The following RAPGEF2 variants were observed in gnomAD, a reference collection of about 807,000 sequenced individuals.
The protein encoded by RAPGEF2 is PDZ domain containing guanine nucleotide exchange factor (GEF) 1.
A neutral mutation model predicts 186.7 loss-of-function variants in RAPGEF2; 54 were observed. That is an observed-to-expected ratio of 0.29 (90% CI 0.23 to 0.36). RAPGEF2 has a LOEUF of 0.36. RAPGEF2 is among the 10% of genes least tolerant of loss of function. The pLI is 1.00. For synonymous variants in RAPGEF2, 712 were observed against 705.9 expected, an observed-to-expected ratio of 1.01 and a Z score of -0.14; for missense variants, 1,532 against 2,045.0, an observed-to-expected ratio of 0.75 and a Z score of 4.84.
At chr4:159,257,467 C>T (rs1756319127) in intron 7 of RAPGEF2, among the ~76,000 whole-genome samples, 1 of 152,124 alleles carries the variant, frequency 6.6e-6, no homozygotes. Flanking sequence ...AAGACCCGCC[C>T]CATGATTTAA....
chr4:159,308,733 T>A (rs1763606254), intron 8 of RAPGEF2, among the ~76,000 whole-genome samples: 1 of 152,168 alleles, frequency 6.6e-6, no homozygotes, highest in African/African-American at 2.4e-5. Context: ...GAATTCTTAG[T>A]CATTCTTAAT....
At chr4:159,322,583 CCAA>C in intron 10 of RAPGEF2, 100 bp downstream of exon 10, 1 of 922,678 alleles carries the variant, frequency 1.1e-6, no homozygotes, top group South Asian at 1.7e-5. Flanking sequence ...TTTTTAATAC[CCAA>C]CAACAGTAAG....
chr4:159,252,634 G>A (rs890164455), intron 7 of RAPGEF2, among the ~76,000 whole-genome samples: 6 of 152,160 alleles, frequency 3.9e-5, no homozygotes, highest in African/African-American at 1.2e-4. Context: ...GACTGAAAGA[G>A]CAGCCAGCTA....
intron 7 of RAPGEF2, among the ~76,000 whole-genome samples, chr4:159,288,027 C>T (rs1281597592): frequency 1.3e-5 from 2 of 152,126 alleles, no homozygotes; most frequent in African/African-American, 4.8e-5. Flanking sequence ...GCAGTACAGA[C>T]CTTGTTATGT....
At chr4:159,112,497 C>T (rs1738606122) in intron 1 of RAPGEF2, among the ~76,000 whole-genome samples, 1 of 151,590 alleles carries the variant, frequency 6.6e-6, no homozygotes, top group Non-Finnish European at 1.5e-5. Context: ...AAAGGGAGTC[C>T]CAATGGCCAA....
intron 26 of RAPGEF2, among the ~76,000 whole-genome samples, chr4:159,351,483 C>T (rs1370027383): frequency 6.6e-6 from 1 of 152,016 alleles, no homozygotes; most frequent in Middle Eastern, 3.2e-3. Context: ...CTTAAACTGG[C>T]AACATTTAGA....
rs1579952806 is a variant in RAPGEF2, at chr4:159,326,959, C to G, written c.1150-2899C>G. 3 of 152,302 alleles carry G rather than the reference C, an allele frequency of 2.0e-5. No homozygotes were observed. In the South Asian group the frequency reaches 6.2e-4, roughly 32 times the overall value. 9.4% of individuals were successfully genotyped at this position (152,302 alleles called of 1,614,324 possible). On this transcript the variant is annotated intron_variant, in intron 11 of 29. Coordinates refer to ENST00000691494, the MANE Select transcript of RAPGEF2 (RefSeq NM_001394067.2). Reference sequence around the variant, plus strand: ...TGCACAATTAGGTATGAATTTCCCTCACAGACTGCAAAGTGCCAGTTTAAA... The same window carrying G: ...TGCACAATTAGGTATGAATTTCCCTGACAGACTGCAAAGTGCCAGTTTAAA...
chr4:159,344,999 A>G lies in RAPGEF2; in HGVS notation c.3279-107A>G. The G allele has an allele frequency of 5.8e-6, 5 of 855,914 alleles. No homozygotes were observed. In the East Asian group the frequency reaches 1.2e-4, roughly 21 times the overall value. 53.0% of individuals were successfully genotyped at this position (855,914 alleles called of 1,614,324 possible). A position where few individuals can be genotyped will look rare whatever the true frequency, so the allele number is the denominator to read the frequency against. On this transcript the variant is annotated intron_variant, in intron 23 of 29. Transcript: ENST00000691494. Reference sequence around the variant, plus strand: ...AACAGTTTACTCACTGGAATGAGGCATGTGACCTTTTGAACATAGACTATT... The same window carrying G: ...AACAGTTTACTCACTGGAATGAGGCGTGTGACCTTTTGAACATAGACTATT...
chr4:159,199,172 C>G (rs572660612), intron 3 of RAPGEF2, among the ~76,000 whole-genome samples: 1 of 152,002 alleles, frequency 6.6e-6, no homozygotes, highest in Non-Finnish European at 1.5e-5. Flanking sequence ...TCAACCACCT[C>G]GCCTGTATGT....
intron 3 of RAPGEF2, among the ~76,000 whole-genome samples, chr4:159,203,732 G>A (rs1749687945): frequency 6.6e-6 from 1 of 152,142 alleles, no homozygotes; most frequent in African/African-American, 2.4e-5. Flanking sequence ...GCTGTAGGTT[G>A]GTCCTTTCAG....
At chr4:159,248,304 G>C (rs1561142003) in intron 7 of RAPGEF2, among the ~76,000 whole-genome samples, 1 of 152,184 alleles carries the variant, frequency 6.6e-6, no homozygotes, top group Non-Finnish European at 1.5e-5. Flanking sequence ...AGAGGATGAA[G>C]AGAGAGTGTT....
At chr4:159,150,884 G>A (rs1234354329) in intron 1 of RAPGEF2, among the ~76,000 whole-genome samples, 1 of 152,186 alleles carries the variant, frequency 6.6e-6, no homozygotes, top group East Asian at 1.9e-4. Flanking sequence ...TCCCCTGACT[G>A]CCCTCCTTCT....
At position 159,353,007 on chromosome 4, in the gene RAPGEF2, A is replaced by G. The variant is rs1221874103; in HGVS notation, c.4091+97A>G. The G allele has an allele frequency of 6.0e-6, 7 of 1,160,036 alleles. No homozygotes were observed. The highest frequency in any genetic ancestry group is 2.2e-4 in the Middle Eastern group (1 of 4,524). 71.9% of individuals were successfully genotyped at this position (1,160,036 alleles called of 1,614,324 possible). On this transcript the variant is annotated intron_variant, in intron 27 of 29. Transcript: ENST00000691494. This position sits in a 1 kb window ranked among gnomAD's most constrained non-coding sequence, Gnocchi z 4.3. ...CAGTGTTTGTTTTTATTTATTTTAC[A>G]TAATGCCTAAGAATTTTTCTGCCAT... is the stretch of plus-strand genomic sequence containing the variant.
intron 1 of RAPGEF2, among the ~76,000 whole-genome samples, chr4:159,150,033 C>T (rs1743365427): frequency 6.6e-6 from 1 of 152,032 alleles, no homozygotes; most frequent in South Asian, 2.1e-4. Flanking sequence ...CTCTAGACTT[C>T]GCAAATCCCA....
At chr4:159,232,249 A>T (rs1347720701) in intron 4 of RAPGEF2, among the ~76,000 whole-genome samples, 5 of 152,170 alleles carry the variant, frequency 3.3e-5, no homozygotes, top group African/African-American at 7.2e-5. Context: ...GCTTTTCTGT[A>T]ACTCCAGATG....
chr4:159,166,283 T>C (rs1240484380), intron 1 of RAPGEF2, among the ~76,000 whole-genome samples: 1 of 151,596 alleles, frequency 6.6e-6, no homozygotes, highest in Non-Finnish European at 1.5e-5. Context: ...CACTGCACTC[T>C]AGCCTGGGCA....
chr4:159,116,114 G>C (rs1269023548), intron 1 of RAPGEF2, among the ~76,000 whole-genome samples: 1 of 152,038 alleles, frequency 6.6e-6, no homozygotes, highest in Non-Finnish European at 1.5e-5. Context: ...AAGAGCCTCT[G>C]CACAGCAAAA....
Position 159,330,400 on chromosome 4 carries a change from G to C in RAPGEF2, c.1369G>C (p.Glu457Gln). Residue 457 changes from glutamate to glutamine, a missense_variant, in exon 13 of 30, where the codon GAA becomes CAA. By Grantham distance (29) the Glu-to-Gln change is conservative. Transcript: ENST00000691494. Reference sequence around the variant, plus strand: ...TTCAGTAGTAGATCCAACATTCATAGAAGACTTTCTGTTGACCTATAGGAC... The same window carrying C: ...TTCAGTAGTAGATCCAACATTCATACAAGACTTTCTGTTGACCTATAGGAC... ...EHSVVDPTFI[E>Q]DFLLTYRTFL... is the part of the protein sequence containing the mutation. 3 of 1,605,000 alleles carry C rather than the reference G, an allele frequency of 1.9e-6. No homozygotes were observed. Among genetic ancestry groups the C allele is most frequent in the Non-Finnish European group, 2.5e-6 (3 of 1,177,538 alleles).
At chr4:159,245,793 C>T (rs1754563187) in intron 7 of RAPGEF2, among the ~76,000 whole-genome samples, 1 of 151,946 alleles carries the variant, frequency 6.6e-6, no homozygotes, top group South Asian at 2.1e-4. Flanking sequence ...CTTCCATTTT[C>T]CTAGTTTGGA....
Sources: gnomAD v4.1 joint callset for allele counts (sites outside exome capture counted in the v4.1 genomes callset) on GRCh38, gnomAD v4.1.1 for gene constraint, Gnocchi (gnomAD v3.1) non-coding constraint, MANE v1.5 for transcripts, NCBI Gene and HGNC (gene_info 2026-07-23, HGNC 2026-07-21) for gene names.